CAST: variants seen among roughly 807,000 people sequenced by gnomAD.
CAST encodes the protein calpastatin, also known as MIR583 host.
In CAST, 76 loss-of-function variants were observed where a neutral mutation model predicts 119.6. The observed-to-expected ratio is 0.64, with a 90% CI of 0.53 to 0.77. The LOEUF (loss-of-function observed/expected upper bound fraction) is 0.77, where lower values mean the gene tolerates loss of function less well. Ranked by LOEUF, CAST falls within the 30% of genes least tolerant of loss-of-function variation. The pLI is 0.00. For missense variants in CAST, 953 were observed against 946.5 expected (o/e 1.01, Z -0.09); for synonymous variants, 319 against 331.6 (o/e 0.96, Z 0.41).
intron 13 of CAST, 61 bp downstream of exon 13, chr5:96,740,844 A>T: frequency 9.5e-7 from 1 of 1,049,824 alleles, no homozygotes; most frequent in East Asian, 2.4e-5. Context: ...GGCTGGGGGA[A>T]CAGGGCTATC....
At chr5:96,313,601 G>T in the CAST span, among the ~76,000 whole-genome samples, 8 of 152,158 alleles carry the variant, frequency 5.3e-5, no homozygotes, top group Non-Finnish European at 4.4e-5. Context: ...TTATGAATAA[G>T]ATTACTTAAA....
the CAST span, chr5:96,429,243 A>G: frequency 1.3e-6 from 2 of 1,594,476 alleles, no homozygotes; most frequent in African/African-American, 2.7e-5. Flanking sequence ...TCTTAGTGAT[A>G]TGAAAGGCAC....
chr5:96,505,788 G>A, the CAST span, among the ~76,000 whole-genome samples: 10 of 152,212 alleles, frequency 6.6e-5, no homozygotes, highest in African/African-American at 2.2e-4. Context: ...ACTGCCGCCA[G>A]CTGGGTGGAA....
intron 1 of CAST, among the ~76,000 whole-genome samples, chr5:96,560,741 T>A (rs1561416769): frequency 6.6e-6 from 1 of 152,048 alleles, no homozygotes; most frequent in Non-Finnish European, 1.5e-5. Flanking sequence ...GGAACACTTT[T>A]ACACTGTTGG....
the CAST span, among the ~76,000 whole-genome samples, chr5:96,378,037 A>T: frequency 6.6e-6 from 1 of 152,176 alleles, no homozygotes; most frequent in Admixed American, 6.5e-5. Context: ...GGGACATTAT[A>T]CTGTATGAAA....
chr5:96,750,641 A>G lies in CAST; in HGVS notation c.1483A>G (p.Met495Val). 1.9e-6 allele frequency: 3 copies of G among 1,613,464 alleles called. No individual in the cohort carries two copies. Among genetic ancestry groups the G allele is most frequent in the Non-Finnish European group, 1.7e-6 (2 of 1,179,580 alleles). Reference protein sequence around the residue: ...PVSEAVCRTSMCSIQSAPPEP... With the variant: ...PVSEAVCRTSVCSIQSAPPEP... ...GTCGGAGGCTGTGTGTCGGACCTCC[A>G]TGTGTAGTATACAGTCAGCACCCCC... Residue 495 changes from methionine to valine, a missense_variant, in exon 20 of 32, where the codon ATG becomes GTG. Coordinates refer to ENST00000675179, the MANE Select transcript of CAST (RefSeq NM_001750.7).
chr5:96,412,921 C>T, the CAST span: 2 of 868,144 alleles, frequency 2.3e-6, no homozygotes, highest in Non-Finnish European at 2.8e-6. Flanking sequence ...AATGACAGAC[C>T]AGCTTTCAGA....
At chr5:96,148,031 G>T in the CAST span, among the ~76,000 whole-genome samples, 1 of 152,182 alleles carries the variant, frequency 6.6e-6, no homozygotes, top group Non-Finnish European at 1.5e-5. Flanking sequence ...CCTATCTTTT[G>T]TCTGGAATTC....
the CAST span, among the ~76,000 whole-genome samples, chr5:96,381,007 G>C: frequency 6.6e-6 from 1 of 152,202 alleles, no homozygotes; most frequent in East Asian, 1.9e-4. Context: ...TAGTATCACA[G>C]GAGAATATCC....
chr5:96,689,850 C>T (rs1041207787), intron 2 of CAST, among the ~76,000 whole-genome samples: 1 of 152,288 alleles, frequency 6.6e-6, no homozygotes, highest in African/African-American at 2.4e-5. Flanking sequence ...ATTCACTTTT[C>T]TACTTCTTCA....
the CAST span, among the ~76,000 whole-genome samples, chr5:96,061,111 G>C: frequency 6.6e-6 from 1 of 152,056 alleles, no homozygotes; most frequent in Non-Finnish European, 1.5e-5. Flanking sequence ...TGCAAATACA[G>C]CTACACTGAG....
At chr5:96,265,594 TG>T in the CAST span, among the ~76,000 whole-genome samples, 1 of 152,176 alleles carries the variant, frequency 6.6e-6, no homozygotes, top group East Asian at 1.9e-4. Context: ...CCTCAATTTA[TG>T]AATAATGAGG....
the CAST span, among the ~76,000 whole-genome samples, chr5:96,137,941 C>A: frequency 6.6e-6 from 1 of 151,484 alleles, no homozygotes; most frequent in East Asian, 1.9e-4. Context: ...AGTGGCTTGT[C>A]TTTTCATTTT....
intron 2 of CAST, among the ~76,000 whole-genome samples, chr5:96,693,075 A>G (rs1429565914): frequency 1.3e-5 from 2 of 152,236 alleles, no homozygotes; most frequent in African/African-American, 4.8e-5. Context: ...TTTCAGTGCC[A>G]GATGTCAACA....
chr5:96,618,562 G>A (rs190813522), intron 1 of CAST, among the ~76,000 whole-genome samples: 5 of 152,376 alleles, frequency 3.3e-5, no homozygotes, highest in East Asian at 1.9e-4. Flanking sequence ...GCGAGCTAGC[G>A]CAAGTTCCAG....
At chr5:96,696,789 G>A (rs1753351661) in intron 3 of CAST, among the ~76,000 whole-genome samples, 1 of 151,898 alleles carries the variant, frequency 6.6e-6, no homozygotes, top group African/African-American at 2.4e-5. Context: ...CTGGGAGGTC[G>A]AGGCTGCAGT....
At chr5:96,229,455 T>A in the CAST span, among the ~76,000 whole-genome samples, 1 of 152,028 alleles carries the variant, frequency 6.6e-6, no homozygotes, top group East Asian at 1.9e-4. Flanking sequence ...ACTATTTCCA[T>A]GGCAGTGGCA....
the CAST span, among the ~76,000 whole-genome samples, chr5:96,078,676 G>A: frequency 6.6e-6 from 1 of 152,210 alleles, no homozygotes. Flanking sequence ...TGGAAAGAAA[G>A]TAGTTAGAGC....
intron 1 of CAST, among the ~76,000 whole-genome samples, chr5:96,594,400 C>T (rs182501430): frequency 6.6e-4 from 101 of 152,202 alleles, no homozygotes; most frequent in African/African-American, 2.4e-3. Context: ...TCGAGTTAGC[C>T]TTGTGGAGCA....
Sources: gnomAD v4.1 joint callset for allele counts (sites outside exome capture counted in the v4.1 genomes callset) on GRCh38, gnomAD v4.1.1 for gene constraint, MANE v1.5 for transcripts, NCBI Gene and HGNC (gene_info 2026-07-23, HGNC 2026-07-21) for gene names.